Variants in YAF2 observed in about 807,000 individuals in gnomAD.
The protein encoded by YAF2 is YY1 associated factor 2.
YAF2 carries 7 observed loss-of-function variants against 20.1 expected under a neutral mutation model. That is an observed-to-expected ratio of 0.35 (90% CI 0.20 to 0.65). YAF2 has a LOEUF of 0.65. Ranked by LOEUF, YAF2 falls within the 30% of genes least tolerant of loss-of-function variation. YAF2 has a pLI of 0.69. For synonymous variants in YAF2, 74 were observed against 76.0 expected (o/e 0.97, Z 0.14); for missense variants, 151 against 219.2 (o/e 0.69, Z 1.96).
intron 2 of YAF2, among the ~76,000 whole-genome samples, chr12:42,195,875 A>C (rs1368463827): frequency 6.6e-6 from 1 of 152,060 alleles, no homozygotes; most frequent in African/African-American, 2.4e-5. Context: ...GAAATTAACT[A>C]AACTGGTGGT....
At chr12:42,166,258 C>T (rs1363939730) in intron 2 of YAF2, among the ~76,000 whole-genome samples, 1 of 152,150 alleles carries the variant, frequency 6.6e-6, no homozygotes, top group Non-Finnish European at 1.5e-5. Flanking sequence ...ACTTCTACCA[C>T]TTCTTGGACT....
intron 2 of YAF2, among the ~76,000 whole-genome samples, chr12:42,182,717 G>A (rs933704017): frequency 3.9e-5 from 6 of 152,166 alleles, no homozygotes; most frequent in African/African-American, 1.4e-4. Context: ...AAACATTATT[G>A]AATATATTGA....
Position 42,185,205 on chromosome 12 carries a change from A to C in YAF2, c.153-23440T>G, listed in dbSNP as rs552248295. ...ACAAACAAACAAACAAACAAACAAAAAAACAGAACTAGAATTAGTGGAACA... is the reference window on the plus strand; with the variant it reads ...ACAAACAAACAAACAAACAAACAAACAAACAGAACTAGAATTAGTGGAACA... On this transcript the variant is annotated intron_variant, in intron 2 of 3. Transcript: ENST00000534854. Among the ~76,000 whole-genome samples, 10 of 151,314 alleles carry C rather than the reference A, an allele frequency of 6.6e-5. No homozygotes were observed. In the East Asian group the frequency reaches 9.7e-4, roughly 15 times the overall value.
Position 42,183,029 on chromosome 12 carries a change from TA to T in YAF2, c.153-21265del, listed in dbSNP as rs1218319412. On this transcript the variant is annotated intron_variant, in intron 2 of 3. Transcript: ENST00000534854. ...CTCTGTGTCGCATTTTGGTAATTCA[TA>T]AAATGTTTTCGTTATTATTATATCT... Among the ~76,000 whole-genome samples the T allele has an allele frequency of 2.0e-5, 3 of 152,360 alleles. No individual in the cohort carries two copies. In the East Asian group the frequency reaches 5.8e-4, roughly 29 times the overall value.
chr12:42,220,936 TCTC>T (rs945644706), intron 2 of YAF2, among the ~76,000 whole-genome samples: 34 of 152,200 alleles, frequency 2.2e-4, no homozygotes, highest in African/African-American at 8.2e-4. Flanking sequence ...TACTGGTATT[TCTC>T]CTGAGAAACA....
At chr12:42,184,131 G>A (rs1442093934) in intron 2 of YAF2, among the ~76,000 whole-genome samples, 1 of 152,116 alleles carries the variant, frequency 6.6e-6, no homozygotes, top group East Asian at 1.9e-4. Context: ...TCACTATTGA[G>A]ACCTATGCTC....
rs147714635 is a variant in YAF2 at position 42,181,889 on chromosome 12, GTTT to G, written c.153-20127_153-20125del. Among the ~76,000 whole-genome samples, 1,381 of 152,190 alleles carry G rather than the reference GTTT, an allele frequency of 9.1e-3. 17 individuals are homozygous for G. The highest frequency in any genetic ancestry group is 0.03 in the African/African-American group (1,265 of 41,524). On this transcript the variant is annotated intron_variant, in intron 2 of 3. Transcript: ENST00000534854. The stretch of plus-strand genomic sequence containing the variant: ...AGTATCTGAAAACTGTTTTTTAACA[GTTT>G]TTTACATTTTACATTTTGCTTGTTT...
intron 2 of YAF2, among the ~76,000 whole-genome samples, chr12:42,196,911 A>C (rs993929436): frequency 2.6e-5 from 4 of 152,214 alleles, no homozygotes; most frequent in Non-Finnish European, 4.4e-5. Flanking sequence ...TCTGACTGGG[A>C]CCTCAAGGCA....
intron 2 of YAF2, among the ~76,000 whole-genome samples, chr12:42,226,387 G>T (rs192552022): frequency 6.6e-6 from 1 of 152,256 alleles, no homozygotes; most frequent in African/African-American, 2.4e-5. Flanking sequence ...AAACATCTGG[G>T]TGCAGTGGTT....
chr12:42,226,923 G>A (rs1158770570), intron 2 of YAF2, among the ~76,000 whole-genome samples: 9 of 150,036 alleles, frequency 6.0e-5, no homozygotes, highest in Admixed American at 3.3e-4. Flanking sequence ...GAGCCCGTCC[G>A]GCCATGGTGG....
chr12:42,198,572 C>G (rs749110822), intron 2 of YAF2, among the ~76,000 whole-genome samples: 2 of 152,088 alleles, frequency 1.3e-5, no homozygotes, highest in Non-Finnish European at 2.9e-5. Context: ...GGCAATACAG[C>G]GAGACCCTGT....
intron 2 of YAF2, among the ~76,000 whole-genome samples, chr12:42,165,763 G>A (rs908413737): frequency 7.8e-5 from 11 of 140,742 alleles, no homozygotes; most frequent in Non-Finnish European, 1.7e-4. Context: ...GAGCTGCTGC[G>A]CCCGGCCAGG....
intron 2 of YAF2, among the ~76,000 whole-genome samples, chr12:42,223,137 C>A (rs952495116): frequency 6.6e-6 from 1 of 151,912 alleles, no homozygotes; most frequent in Non-Finnish European, 1.5e-5. Flanking sequence ...ATATTAGAGC[C>A]CACATTGACA....
intron 3 of YAF2, 44 bp downstream of exon 3, chr12:42,161,569 G>T: frequency 1.3e-6 from 2 of 1,527,854 alleles, no homozygotes; most frequent in South Asian, 1.3e-5. Context: ...AAATTAAATG[G>T]TTTTATTATT....
chr12:42,161,845 T>C, intron 2 of YAF2, 80 bp from the exon 3 acceptor site: 2 of 1,266,788 alleles, frequency 1.6e-6, no homozygotes, highest in Non-Finnish European at 2.2e-6. Flanking sequence ...TCTCACATTA[T>C]GAAAACAAGT....
At chr12:42,237,858 G>T (rs1417585506) in intron 1 of YAF2, 134 bp from the exon 2 acceptor site, 2 of 795,634 alleles carry the variant, frequency 2.5e-6, no homozygotes, top group South Asian at 5.8e-5. Flanking sequence ...CCCTCGGCGC[G>T]CCGCGCTCCG....
At chr12:42,171,903 G>T (rs991938167) in intron 2 of YAF2, among the ~76,000 whole-genome samples, 2 of 152,172 alleles carry the variant, frequency 1.3e-5, no homozygotes, top group Non-Finnish European at 2.9e-5. Flanking sequence ...GGTTGAGGCT[G>T]CAGTAAGCCA....
At position 42,182,520 on chromosome 12, in the gene YAF2, A is replaced by C. The variant is rs184134661; in HGVS notation, c.153-20755T>G. Among the ~76,000 whole-genome samples, 48 of 152,354 alleles carry C rather than the reference A, an allele frequency of 3.2e-4. 1 individual carries two copies. Among genetic ancestry groups the C allele is most frequent in the Admixed American group, 3.0e-3 (46 of 15,298 alleles). ...GAAACTATAACATAAACTGAACTAC[A>C]ATATCATTGGAAAAGATGAGCTGGA... is the stretch of plus-strand genomic sequence containing the variant. On this transcript the variant is annotated intron_variant, in intron 2 of 3. Coordinates refer to ENST00000534854, the MANE Select transcript of YAF2 (RefSeq NM_005748.6).
At chr12:42,167,601 C>T (rs1419104536) in intron 2 of YAF2, among the ~76,000 whole-genome samples, 1 of 152,182 alleles carries the variant, frequency 6.6e-6, no homozygotes, top group Non-Finnish European at 1.5e-5. Flanking sequence ...TACACATATC[C>T]TGTAACTAAT....
Sources: allele counts gnomAD v4.1 joint callset (sites outside exome capture counted in the v4.1 genomes callset), GRCh38; gene constraint gnomAD v4.1.1; transcripts MANE v1.5; gene names NCBI Gene and HGNC (gene_info 2026-07-23, HGNC 2026-07-21).